The following FILIP1 variants were observed in gnomAD, a reference collection of about 807,000 sequenced individuals.
The protein encoded by FILIP1 is filamin-A-interacting protein 1.
Under a neutral mutation model 102.1 loss-of-function variants are expected in FILIP1, and 61 were observed. That is an observed-to-expected ratio of 0.60 (90% confidence interval 0.49 to 0.74). The LOEUF is 0.74. FILIP1 is among the 30% of genes least tolerant of loss of function. FILIP1 has a pLI of 0.00. For synonymous variants in FILIP1, 491 were observed against 526.9 expected (o/e 0.93, Z 0.93); for missense variants, 1,314 against 1,441.2 (o/e 0.91, Z 1.43).
At chr6:75,349,742 T>A (rs542836158) in intron 4 of FILIP1, among the ~76,000 whole-genome samples, 1 of 152,232 alleles carries the variant, frequency 6.6e-6, no homozygotes, top group East Asian at 1.9e-4. Flanking sequence ...GGCGGGAGCC[T>A]CCTGGAGAGG....
intron 1 of FILIP1, among the ~76,000 whole-genome samples, chr6:75,440,290 C>T (rs1269989857): frequency 1.3e-5 from 2 of 152,148 alleles, no homozygotes; most frequent in Non-Finnish European, 2.9e-5. Context: ...AAATGCTCAA[C>T]TCCAAGTCAA....
intron 1 of FILIP1, chr6:75,455,122 G>GA (rs1393798996): frequency 6.6e-6 from 1 of 151,910 alleles, no homozygotes; most frequent in African/African-American, 2.4e-5. Context: ...GATTGGGGGG[G>GA]TGGGGGGACA....
In FILIP1 at chr6:75,444,027, C is replaced by T. The variant is rs181113177; in HGVS notation, c.-6-29049G>A. Among the ~76,000 whole-genome samples, 21 of 152,192 alleles carry T rather than the reference C, an allele frequency of 1.4e-4. No individual in the cohort carries two copies. The East Asian group carries it at 1.7e-3, about 13-fold the overall frequency. On this transcript the variant is annotated intron_variant, in intron 1 of 5. Transcript: ENST00000237172. ...CACAGCACTATGCATGTAGAAAGTA[C>T]TTAATAAATAGAAGAGGTAACAATA... is the stretch of plus-strand genomic sequence containing the variant.
At chr6:75,413,607 T>C (rs1351164107) in intron 2 of FILIP1, among the ~76,000 whole-genome samples, 1 of 152,042 alleles carries the variant, frequency 6.6e-6, no homozygotes, top group East Asian at 1.9e-4. Flanking sequence ...GGTTGCCAAT[T>C]ACCTCACTAA....
intron 1 of FILIP1, among the ~76,000 whole-genome samples, chr6:75,443,213 C>T (rs1035719730): frequency 2.6e-5 from 4 of 152,034 alleles, no homozygotes; most frequent in Non-Finnish European, 2.9e-5. Context: ...ATTTTATTAT[C>T]CAAATTATAC....
chr6:75,449,911 G>T (rs1185761746), intron 1 of FILIP1, among the ~76,000 whole-genome samples: 3 of 152,064 alleles, frequency 2.0e-5, no homozygotes, highest in African/African-American at 7.2e-5. Context: ...ATACTATGTT[G>T]ATATATCTGA....
intron 1 of FILIP1, among the ~76,000 whole-genome samples, chr6:75,449,681 T>C (rs767095115): frequency 6.6e-6 from 1 of 151,792 alleles, no homozygotes; most frequent in Non-Finnish European, 1.5e-5. Flanking sequence ...GAGTAGGACA[T>C]TGAAGGAAAT....
chr6:75,472,818 CA>C (rs1582558397), intron 1 of FILIP1, among the ~76,000 whole-genome samples: 1 of 152,064 alleles, frequency 6.6e-6, no homozygotes, highest in East Asian at 1.9e-4. Flanking sequence ...CCAAAAGCAT[CA>C]AATTATCTCC....
intron 4 of FILIP1, among the ~76,000 whole-genome samples, chr6:75,330,339 G>C (rs1193713983): frequency 6.6e-6 from 1 of 152,058 alleles, no homozygotes; most frequent in Non-Finnish European, 1.5e-5. Flanking sequence ...AAACTTTTGA[G>C]CTTTGTTTTT....
intron 1 of FILIP1, among the ~76,000 whole-genome samples, chr6:75,437,040 G>A (rs547425276): frequency 1.2e-4 from 18 of 152,108 alleles, no homozygotes; most frequent in Admixed American, 2.6e-4. Flanking sequence ...TCAACTCCCC[G>A]CTCTCACTTT....
intron 2 of FILIP1, 108 bp downstream of exon 2, chr6:75,414,589 C>T: frequency 1.9e-6 from 2 of 1,032,974 alleles, no homozygotes; most frequent in Non-Finnish European, 2.8e-6. Flanking sequence ...GAAACATTCT[C>T]CTTTCCCCAT....
At chr6:75,390,350 C>G (rs1469698941) in intron 2 of FILIP1, among the ~76,000 whole-genome samples, 1 of 152,150 alleles carries the variant, frequency 6.6e-6, no homozygotes, top group Non-Finnish European at 1.5e-5. Context: ...AATAGCTGTA[C>G]TAGTCCATTC....
At chr6:75,429,896 C>A (rs1055071187) in intron 1 of FILIP1, among the ~76,000 whole-genome samples, 1 of 152,216 alleles carries the variant, frequency 6.6e-6, no homozygotes, top group African/African-American at 2.4e-5. Context: ...AACAAGCACA[C>A]CAGCACCATG....
At chr6:75,327,081 C>A (rs1773889644) in intron 4 of FILIP1, among the ~76,000 whole-genome samples, 1 of 152,116 alleles carries the variant, frequency 6.6e-6, no homozygotes. Context: ...GCTGTTCATT[C>A]TTTATCTCTT....
intron 2 of FILIP1, among the ~76,000 whole-genome samples, chr6:75,408,956 C>T (rs1294023144): frequency 4.6e-5 from 7 of 152,098 alleles, no homozygotes; most frequent in African/African-American, 1.7e-4. Flanking sequence ...CTGCCTGCTG[C>T]CATTTTACTC....
chr6:75,298,234 A>T (rs1263158396), intron 6 of FILIP1, among the ~76,000 whole-genome samples: 1 of 152,230 alleles, frequency 6.6e-6, no homozygotes, highest in Admixed American at 6.5e-5. Context: ...GCAAACTCAT[A>T]ATCCATGCAT....
At chr6:75,353,222 A>G (rs1774870637) in intron 4 of FILIP1, among the ~76,000 whole-genome samples, 1 of 152,120 alleles carries the variant, frequency 6.6e-6, no homozygotes, top group South Asian at 2.1e-4. Context: ...TAAATAAAAA[A>G]TAAAAAGAAA....
In FILIP1 at chr6:75,447,695, G is replaced by A. The variant is rs1187572176; in HGVS notation, c.-6-32717C>T. Reference sequence around the variant, plus strand: ...CTAGGTGTATGGGATTTTGATCAAGGATACTTTGGAAAGATCTTTATTTTT... The same window carrying A: ...CTAGGTGTATGGGATTTTGATCAAGAATACTTTGGAAAGATCTTTATTTTT... On this transcript the variant is annotated intron_variant, in intron 1 of 5. Transcript: ENST00000237172. Among the ~76,000 whole-genome samples the A allele has an allele frequency of 2.6e-5, 4 of 152,124 alleles. 1 individual carries two copies. Among genetic ancestry groups the A allele is most frequent in the Admixed American group, 2.0e-4 (3 of 15,262 alleles).
At chr6:75,406,980 G>T (rs1776877813) in intron 2 of FILIP1, among the ~76,000 whole-genome samples, 1 of 151,946 alleles carries the variant, frequency 6.6e-6, no homozygotes, top group Non-Finnish European at 1.5e-5. Context: ...CTTAAATATT[G>T]TAAGATCAAT....
Sources: gnomAD v4.1 joint callset for allele counts (sites outside exome capture counted in the v4.1 genomes callset) on GRCh38, gnomAD v4.1.1 for gene constraint, MANE v1.5 for transcripts, NCBI Gene and HGNC (gene_info 2026-07-23, HGNC 2026-07-21) for gene names.